Variants in TENM4 observed in about 807,000 individuals in gnomAD.
TENM4 encodes teneurin transmembrane protein 4, also known as teneurin-4.
TENM4 carries 82 observed loss-of-function variants against 243.3 expected under a neutral mutation model. That is an observed-to-expected ratio of 0.34 (90% CI 0.28 to 0.40). The LOEUF (loss-of-function observed/expected upper bound fraction) is 0.40. Ranked by LOEUF, TENM4 falls within the 10% of genes least tolerant of loss-of-function variation. The pLI is 1.00. For synonymous variants in TENM4, 1,412 were observed against 1,456.3 expected (o/e 0.97, Z 0.69); for missense variants, 3,138 against 3,673.3 (o/e 0.85, Z 3.77).
rs554227922 is a variant in TENM4, at chr11:78,821,656, T to G, written c.1682-7261A>C. 4.6e-5 allele frequency among the ~76,000 whole-genome samples: 7 copies of G among 152,344 alleles called. No individual in the cohort carries two copies. In the South Asian group the frequency reaches 1.5e-3, roughly 32 times the overall value. Reference sequence around the variant, plus strand: ...GAACAACCAGAAAGATTAAAGAACTTGAAACCACATTTCAAATAAAGAATT... The same window carrying G: ...GAACAACCAGAAAGATTAAAGAACTGGAAACCACATTTCAAATAAAGAATT... On this transcript the variant is annotated intron_variant, in intron 12 of 33. Transcript: ENST00000278550.
intron 3 of TENM4, among the ~76,000 whole-genome samples, chr11:79,154,021 C>A (rs1054325587): frequency 2.0e-5 from 3 of 152,136 alleles, no homozygotes; most frequent in African/African-American, 7.2e-5. Flanking sequence ...GTTTTAAAAA[C>A]AGTGCAAAAA....
At chr11:79,230,983 G>A (rs1344128307) in intron 2 of TENM4, among the ~76,000 whole-genome samples, 1 of 152,198 alleles carries the variant, frequency 6.6e-6, no homozygotes, top group Non-Finnish European at 1.5e-5. Context: ...ACTCACTGGG[G>A]TTGGGGAAAA....
chr11:79,018,993 T>C (rs1456706855), intron 6 of TENM4, among the ~76,000 whole-genome samples: 1 of 152,172 alleles, frequency 6.6e-6, no homozygotes, highest in Non-Finnish European at 1.5e-5. Flanking sequence ...CCTCCATCTC[T>C]TGGGTTTCTT....
At chr11:78,981,492 G>C (rs1857793954) in intron 6 of TENM4, among the ~76,000 whole-genome samples, 1 of 152,136 alleles carries the variant, frequency 6.6e-6, no homozygotes, top group Non-Finnish European at 1.5e-5. Flanking sequence ...GTCTCAGTTG[G>C]AAGATCCTGA....
At chr11:79,201,728 G>A (rs1385250770) in intron 3 of TENM4, among the ~76,000 whole-genome samples, 1 of 152,112 alleles carries the variant, frequency 6.6e-6, no homozygotes, top group Non-Finnish European at 1.5e-5. Flanking sequence ...AGGAGGGGTG[G>A]GGCAAGTGGC....
At chr11:79,169,003 C>T (rs1862981967) in intron 3 of TENM4, among the ~76,000 whole-genome samples, 1 of 152,334 alleles carries the variant, frequency 6.6e-6, no homozygotes, top group East Asian at 1.9e-4. Flanking sequence ...TCAGCTGATC[C>T]ACCAGCTGAC....
At chr11:78,699,617 T>A (rs1196234183) in intron 28 of TENM4, among the ~76,000 whole-genome samples, 2 of 152,234 alleles carry the variant, frequency 1.3e-5, no homozygotes, top group Non-Finnish European at 2.9e-5. Context: ...TGAAGTGCAG[T>A]CTTTGGAATT....
intron 1 of TENM4, among the ~76,000 whole-genome samples, chr11:79,381,013 G>A (rs1029606675): frequency 1.3e-5 from 2 of 152,078 alleles, no homozygotes; most frequent in African/African-American, 2.4e-5. Flanking sequence ...TCACACTAAG[G>A]CCCCAAATGC....
At chr11:78,886,372 G>A (rs1032397482) in intron 9 of TENM4, among the ~76,000 whole-genome samples, 5 of 152,230 alleles carry the variant, frequency 3.3e-5, no homozygotes, top group South Asian at 4.2e-4. Context: ...CAAGTTAGTC[G>A]TCACAGCCTG....
At chr11:79,360,123 T>C (rs1207933239) in intron 1 of TENM4, among the ~76,000 whole-genome samples, 2 of 152,194 alleles carry the variant, frequency 1.3e-5, no homozygotes, top group Admixed American at 1.3e-4. Context: ...CTTTGTGCAG[T>C]TGGATAATAT....
At chr11:78,870,309 T>C (rs547451875) in intron 9 of TENM4, among the ~76,000 whole-genome samples, 1 of 152,326 alleles carries the variant, frequency 6.6e-6, no homozygotes, top group Admixed American at 6.5e-5. Context: ...ATACTGCCTT[T>C]TTCTTCTTTC....
At chr11:78,992,570 C>T (rs915806991) in intron 6 of TENM4, among the ~76,000 whole-genome samples, 9 of 152,060 alleles carry the variant, frequency 5.9e-5, no homozygotes, top group Non-Finnish European at 1.0e-4. Context: ...TTTTTCCTGC[C>T]GAAGATAGTT....
intron 12 of TENM4, among the ~76,000 whole-genome samples, chr11:78,822,894 A>G (rs1857764168): frequency 6.6e-6 from 1 of 152,238 alleles, no homozygotes; most frequent in East Asian, 1.9e-4. Flanking sequence ...TGCTCATTTC[A>G]GGAGCTACCT....
chr11:79,310,655 A>G (rs1329171498), intron 1 of TENM4, among the ~76,000 whole-genome samples: 1 of 152,054 alleles, frequency 6.6e-6, no homozygotes, highest in African/African-American at 2.4e-5. Context: ...GGCAGCTTTC[A>G]TCCTGCCTGT....
chr11:78,834,182 T>C (rs1421065818), intron 12 of TENM4, among the ~76,000 whole-genome samples: 1 of 152,224 alleles, frequency 6.6e-6, no homozygotes, highest in Non-Finnish European at 1.5e-5. Context: ...ATGGGAATTT[T>C]AACTTTCCTA....
At chr11:79,318,228 CA>C (rs111759564) in intron 1 of TENM4, among the ~76,000 whole-genome samples, 10,105 of 152,174 alleles carry the variant, frequency 0.066, 397 homozygotes, top group South Asian at 0.083. Context: ...ACACTGTGAA[CA>C]GGGGGGATAA....
At chr11:78,935,257 C>T (rs1056299733) in intron 6 of TENM4, among the ~76,000 whole-genome samples, 10 of 151,750 alleles carry the variant, frequency 6.6e-5, no homozygotes, top group Non-Finnish European at 1.0e-4. Context: ...ATGATCCACC[C>T]GCCTCGGCCT....
At chr11:79,384,741 C>T (rs1858073418) in intron 1 of TENM4, among the ~76,000 whole-genome samples, 1 of 151,890 alleles carries the variant, frequency 6.6e-6, no homozygotes, top group Admixed American at 6.6e-5. Context: ...GCCTGGCCAA[C>T]ATGATGAAAC....
chr11:78,865,709 G>T (rs1485124904), intron 9 of TENM4, among the ~76,000 whole-genome samples: 1 of 152,156 alleles, frequency 6.6e-6, no homozygotes, highest in East Asian at 1.9e-4. Flanking sequence ...ACACAAGTCT[G>T]CTTCAGCCAG....
Sources: gnomAD v4.1 joint callset for allele counts (sites outside exome capture counted in the v4.1 genomes callset) on GRCh38, gnomAD v4.1.1 for gene constraint, MANE v1.5 for transcripts, NCBI Gene and HGNC (gene_info 2026-07-23, HGNC 2026-07-21) for gene names.